PCDHA6: variants seen among roughly 807,000 people sequenced by gnomAD.
PCDHA6 encodes protocadherin alpha-6.
Under a neutral mutation model 60.3 loss-of-function variants are expected in PCDHA6, and 55 were observed. The observed-to-expected ratio is 0.91, with a 90% CI of 0.73 to 1.14. The LOEUF (loss-of-function observed/expected upper bound fraction) is 1.14. Ranked by LOEUF, PCDHA6 falls within the 50% of genes most tolerant of loss-of-function variation. The probability of loss-of-function intolerance (pLI) is 0.00; values close to 1 mark genes in which losing one functional copy is unlikely to be tolerated. For synonymous variants in PCDHA6, 652 were observed against 557.9 expected (o/e 1.17, Z -2.38); for missense variants, 1,327 against 1,256.5 (o/e 1.06, Z -0.85).
chr5:140,841,497 T>G, intron 1 of PCDHA6: 6 of 1,613,288 alleles, frequency 3.7e-6, no homozygotes, highest in Non-Finnish European at 5.1e-6. Context: ...CTGGCGGAGC[T>G]GGTGCCGCGC....
At chr5:140,853,330 G>A in intron 1 of PCDHA6, 1 of 984,768 alleles carries the variant, frequency 1.0e-6, no homozygotes, top group South Asian at 4.7e-5. Flanking sequence ...TTTATCTTTT[G>A]AGGTCATTAG....
rs2150150437 is a variant in PCDHA6, at chr5:140,828,053, G to A, written c.-39G>A. ...ACATACAGTATTTTATCTTTATGCG[G>A]AAGATCTTCTAATGGAAATAAAACC... On this transcript the variant is annotated 5_prime_UTR_variant, in exon 1 of 4. Transcript: ENST00000529310. 4,837 of 1,547,680 alleles carry A rather than the reference G, an allele frequency of 3.1e-3. 12 individuals are homozygous for A. The highest frequency in any genetic ancestry group is 4.7e-3 in the Admixed American group (229 of 48,892).
At chr5:140,836,966 T>G in intron 1 of PCDHA6, 1 of 388,302 alleles carries the variant, frequency 2.6e-6, no homozygotes, top group Non-Finnish European at 4.5e-6. Context: ...TGTTGGCTAC[T>G]CTCCATTTTT....
intron 1 of PCDHA6, among the ~76,000 whole-genome samples, chr5:140,926,182 C>T (rs1041630365): frequency 2.6e-5 from 4 of 151,858 alleles, no homozygotes; most frequent in South Asian, 2.2e-4. Flanking sequence ...CGGAAAGCCC[C>T]CCGCAGCACT....
chr5:140,939,037 T>C (rs1295630675), intron 1 of PCDHA6, among the ~76,000 whole-genome samples: 2 of 152,212 alleles, frequency 1.3e-5, no homozygotes, highest in African/African-American at 4.8e-5. Context: ...TCGGAAGAGT[T>C]GTCTTAGTCC....
chr5:140,967,645 G>A lies in PCDHA6; in HGVS notation c.2395-11304G>A, dbSNP rs782043521. ...ATGAGGGCTCCAATGGTGAGCTCAG[G>A]TACTCCTTGAGCAGCTACACGTCGG... On this transcript the variant is annotated intron_variant, in intron 1 of 3. Transcript: ENST00000529310. 1.9e-5 allele frequency: 30 copies of A among 1,614,144 alleles called. 1 individual carries two copies. In the South Asian group the frequency reaches 3.2e-4, roughly 17 times the overall value.
chr5:140,877,037 C>T lies in PCDHA6; in HGVS notation c.2394+46552C>T, dbSNP rs782624599. ...AGCGGCAAGGTGTACGCGCTGCAGC[C>T]GCTAGACCACGAGGAGCTGGAGCTG... On this transcript the variant is annotated intron_variant, in intron 1 of 3. Transcript: ENST00000529310. 6.8e-6 allele frequency: 11 copies of T among 1,612,374 alleles called. No individual in the cohort carries two copies. Among genetic ancestry groups the T allele is most frequent in the Admixed American group, 5.0e-5 (3 of 59,998 alleles).
chr5:140,997,719 C>T (rs1456038917), intron 3 of PCDHA6, among the ~76,000 whole-genome samples: 1 of 150,932 alleles, frequency 6.6e-6, no homozygotes, highest in East Asian at 1.9e-4. Context: ...CACCTTTCTA[C>T]GTCAGTACAT....
intron 1 of PCDHA6, among the ~76,000 whole-genome samples, chr5:140,933,534 ATAATGT>A (rs1401849089): frequency 6.6e-6 from 1 of 152,102 alleles, no homozygotes; most frequent in Non-Finnish European, 1.5e-5. Context: ...TAAACTCAAA[ATAATGT>A]TAATATAAAA....
intron 3 of PCDHA6, among the ~76,000 whole-genome samples, chr5:140,996,257 C>G (rs186736348): frequency 1.4e-4 from 22 of 152,342 alleles, no homozygotes; most frequent in African/African-American, 5.3e-4. Flanking sequence ...GACAGCAACA[C>G]AGAGCCTGGG....
intron 1 of PCDHA6, chr5:140,870,941 C>CGGCG (rs782621545): frequency 1.2e-6 from 2 of 1,613,594 alleles, no homozygotes; most frequent in Non-Finnish European, 1.7e-6. Context: ...TTGCAGCCGG[C>CGGCG]GGCGGGCGGC....
intron 1 of PCDHA6, among the ~76,000 whole-genome samples, chr5:140,947,554 G>T (rs977454594): frequency 1.3e-5 from 2 of 151,358 alleles, no homozygotes; most frequent in Non-Finnish European, 3.0e-5. Flanking sequence ...AATTCCGCTG[G>T]GATTTATATT....
chr5:140,871,026 G>C (rs1562655563), intron 1 of PCDHA6: 2 of 1,613,220 alleles, frequency 1.2e-6, no homozygotes, highest in Non-Finnish European at 8.5e-7. Flanking sequence ...AGGCAGACTC[G>C]CCGCGCCACC....
intron 1 of PCDHA6, among the ~76,000 whole-genome samples, chr5:140,963,103 G>A (rs2095737477): frequency 1.3e-5 from 2 of 151,910 alleles, no homozygotes; most frequent in South Asian, 4.1e-4. Flanking sequence ...CTGCTTTCAG[G>A]TTGCTTATAA....
chr5:141,004,024 C>T (rs1380291199), intron 3 of PCDHA6, among the ~76,000 whole-genome samples: 1 of 152,210 alleles, frequency 6.6e-6, no homozygotes, highest in African/African-American at 2.4e-5. Context: ...AAAGAAGAAA[C>T]ATTTCCTTGA....
rs200493520 is a variant in PCDHA6 at position 140,928,140 on chromosome 5, G to T, written c.2395-50809G>T. ...TCAGTGAATACCAAGTCCTGATCAC[G>T]GCCTCAGATAGTGGCTCACCCCCAC... On this transcript the variant is annotated intron_variant, in intron 1 of 3. Transcript: ENST00000529310. The T allele has an allele frequency of 2.5e-6, 4 of 1,614,154 alleles. No homozygotes were observed. In the East Asian group the frequency reaches 6.7e-5, roughly 27 times the overall value.
chr5:140,836,904 A>G (rs1774799044), intron 1 of PCDHA6: 1 of 589,848 alleles, frequency 1.7e-6, no homozygotes, highest in Non-Finnish European at 2.8e-6. Context: ...TACGTTTAAT[A>G]TACACTTTTG....
intron 1 of PCDHA6, among the ~76,000 whole-genome samples, chr5:140,846,371 TTC>T (rs140960073): frequency 0.32 from 35,391 of 108,896 alleles, 6,884 homozygotes; most frequent in South Asian, 0.47. Context: ...TTTTCTTTCT[TTC>T]TTTTTTTTTT....
In PCDHA6 at chr5:140,842,663, G is replaced by A. The variant is rs2150341486; in HGVS notation, c.2394+12178G>A. The A allele has an allele frequency of 3.4e-5, 54 of 1,595,410 alleles. 5 individuals are homozygous for A. Among genetic ancestry groups the A allele is most frequent in the South Asian group, 1.5e-4 (14 of 90,476 alleles). ...CAGCTTGTCTGTGGAGGTGGCCGAC[G>A]TGAACGACAATGCTCCGGCGTTCGC... On this transcript the variant is annotated intron_variant, in intron 1 of 3. Transcript: ENST00000529310.
Sources: gnomAD v4.1 joint callset for allele counts (sites outside exome capture counted in the v4.1 genomes callset) on GRCh38, gnomAD v4.1.1 for gene constraint, MANE v1.5 for transcripts, NCBI Gene and HGNC (gene_info 2026-07-23, HGNC 2026-07-21) for gene names.